The following SEZ6L variants were observed in gnomAD, a reference collection of about 807,000 sequenced individuals.
The protein encoded by SEZ6L is seizure 6-like protein.
Under a neutral mutation model 106.2 loss-of-function variants are expected in SEZ6L, and 37 were observed. The ratio of observed to expected loss-of-function variants is 0.35; its 90% confidence interval spans 0.27 to 0.46. The LOEUF (loss-of-function observed/expected upper bound fraction) is 0.46, where lower values mean the gene tolerates loss of function less well. Ranked by LOEUF, SEZ6L falls within the 20% of genes least tolerant of loss-of-function variation. The pLI, the probability that SEZ6L is intolerant of heterozygous loss-of-function variation, is 1.00. For missense variants in SEZ6L, 1,172 were observed against 1,332.8 expected, an observed-to-expected ratio of 0.88 and a Z score of 1.88; for synonymous variants, 541 against 570.4, an observed-to-expected ratio of 0.95 and a Z score of 0.73.
At position 26,293,645 on chromosome 22, in the gene SEZ6L, A is replaced by T. The variant is rs189417528; in HGVS notation, c.835+499A>T. 5.9e-5 allele frequency among the ~76,000 whole-genome samples: 9 copies of T among 152,308 alleles called. No homozygotes were observed. The East Asian group carries it at 1.7e-3, about 29-fold the overall frequency. ...CTCAGCCAACATCCCCATTTTAAAG[A>T]TGAGACAACTGAAACCCTGAGACCC... On this transcript the variant is annotated intron_variant, in intron 2 of 16. Coordinates refer to ENST00000248933, the MANE Select transcript of SEZ6L (RefSeq NM_021115.5).
intron 12 of SEZ6L, among the ~76,000 whole-genome samples, chr22:26,353,942 T>C (rs2083357099): frequency 6.6e-6 from 1 of 152,078 alleles, no homozygotes; most frequent in Admixed American, 6.5e-5. Context: ...TTCAAAGTTC[T>C]AACCCACAGT....
In SEZ6L at chr22:26,229,285, C is replaced by T. The variant is rs117715300; in HGVS notation, c.94+59522C>T. 7.9e-5 allele frequency among the ~76,000 whole-genome samples: 12 copies of T among 152,282 alleles called. No homozygotes were observed. In the East Asian group the frequency reaches 1.9e-3, roughly 24 times the overall value. ...GTGCTGGGATTACAGGTGTGAGCCA[C>T]CACTCCCAGCCTTCAGAGGTATTTT... On this transcript the variant is annotated intron_variant, in intron 1 of 16. Coordinates refer to ENST00000248933, the MANE Select transcript of SEZ6L (RefSeq NM_021115.5).
intron 9 of SEZ6L, among the ~76,000 whole-genome samples, chr22:26,328,589 G>A (rs1601516360): frequency 6.6e-6 from 1 of 152,152 alleles, no homozygotes; most frequent in South Asian, 2.1e-4. Context: ...GGTGTAAAAC[G>A]TTATCGGTGA....
chr22:26,186,889 G>A (rs1044891558), intron 1 of SEZ6L, among the ~76,000 whole-genome samples: 5 of 152,098 alleles, frequency 3.3e-5, no homozygotes, highest in African/African-American at 1.2e-4. Flanking sequence ...AGCACGGGAG[G>A]GGATTTTTGG....
intron 12 of SEZ6L, among the ~76,000 whole-genome samples, chr22:26,358,771 T>C (rs1284897481): frequency 6.6e-6 from 1 of 152,074 alleles, no homozygotes; most frequent in African/African-American, 2.4e-5. Context: ...CCAGGGGACA[T>C]GTGTAAATAC....
At chr22:26,361,873 A>G (rs1467121796) in intron 12 of SEZ6L, among the ~76,000 whole-genome samples, 2 of 152,142 alleles carry the variant, frequency 1.3e-5, no homozygotes, top group Non-Finnish European at 2.9e-5. Flanking sequence ...ACCCTGTACC[A>G]GGTTGCCAAG....
At chr22:26,369,368 C>T (rs1303318939) in intron 13 of SEZ6L, among the ~76,000 whole-genome samples, 3 of 41,350 alleles carry the variant, frequency 7.3e-5, no homozygotes, top group Non-Finnish European at 8.5e-5. Context: ...GAGACAGATT[C>T]TCGCTCTGTC....
At chr22:26,297,472 A>T (rs1380933701) in intron 4 of SEZ6L, among the ~76,000 whole-genome samples, 1 of 152,220 alleles carries the variant, frequency 6.6e-6, no homozygotes, top group Non-Finnish European at 1.5e-5. Flanking sequence ...CACAGGTTCT[A>T]CTACAATGTT....
intron 13 of SEZ6L, among the ~76,000 whole-genome samples, chr22:26,367,515 T>G (rs1049709331): frequency 6.6e-6 from 1 of 152,010 alleles, no homozygotes; most frequent in Non-Finnish European, 1.5e-5. Context: ...AGCTAAATTT[T>G]TTTATTTTTG....
At position 26,306,086 on chromosome 22, in the gene SEZ6L, C is replaced by T. The variant is rs867172075; in HGVS notation, c.1456C>T (p.Pro486Ser). ...SQFCIWTIEA[P>S]EGQKLHLHFE... ...ATTCTGCATCTGGACGATTGAAGCT[C>T]CAGAGGGCCAGAAGCTGCACCTGCA... Residue 486 changes from proline to serine, a missense_variant, in exon 6 of 17, where the codon CCA becomes TCA. Around this residue, in one of 4 missense-constraint regions of SEZ6L, gnomAD observed 534 missense variants for 691.0 expected, o/e 0.77. Coordinates refer to ENST00000248933, the MANE Select transcript of SEZ6L (RefSeq NM_021115.5). 1 of 1,614,146 alleles carries T rather than the reference C, an allele frequency of 6.2e-7. No individual in the cohort carries two copies. The highest frequency in any genetic ancestry group is 8.5e-7 in the Non-Finnish European group (1 of 1,180,026).
chr22:26,257,792 G>A (rs1254564036), intron 1 of SEZ6L, among the ~76,000 whole-genome samples: 1 of 152,178 alleles, frequency 6.6e-6, no homozygotes, highest in Non-Finnish European at 1.5e-5. Flanking sequence ...GGAGGGAGTT[G>A]CTGGAGCTTG....
At chr22:26,303,548 G>T (rs1767550395) in intron 5 of SEZ6L, among the ~76,000 whole-genome samples, 1 of 152,220 alleles carries the variant, frequency 6.6e-6, no homozygotes. Context: ...GAGTGAGGCA[G>T]CCTGAGCTTG....
chr22:26,299,140 A>G lies in SEZ6L; in HGVS notation c.1319A>G (p.His440Arg), dbSNP rs1601425210. 1 of 1,568,508 alleles carries G rather than the reference A, an allele frequency of 6.4e-7. No homozygotes were observed. Among genetic ancestry groups the G allele is most frequent in the Non-Finnish European group, 8.7e-7 (1 of 1,155,768 alleles). ...ACATGCATCAATGCCTCCAAGCCGC[A>G]CTGGAGCAGCCAGGAGCCCATCTGC... ...MLTCINASKPHWSSQEPICSA... is the reference protein window; with the variant it reads ...MLTCINASKPRWSSQEPICSA... The change falls in exon 5 of 17, where the codon CAC (histidine) becomes CGC (arginine). Residue 440 changes from histidine to arginine, a missense_variant. Transcript: ENST00000248933.
intron 1 of SEZ6L, among the ~76,000 whole-genome samples, chr22:26,262,231 A>G (rs2080032971): frequency 9.7e-6 from 1 of 103,360 alleles, no homozygotes; most frequent in African/African-American, 3.7e-5. Context: ...CACCTTTTAT[A>G]TATTGATATA....
At chr22:26,313,725 C>T (rs1234887757) in intron 8 of SEZ6L, 39 bp from the exon 9 acceptor site, 7 of 1,590,124 alleles carry the variant, frequency 4.4e-6, no homozygotes, top group African/African-American at 2.7e-5. Flanking sequence ...GACTTCTTTA[C>T]AAATAAAGTC....
At chr22:26,196,358 A>G (rs1208361621) in intron 1 of SEZ6L, among the ~76,000 whole-genome samples, 1 of 152,222 alleles carries the variant, frequency 6.6e-6, no homozygotes, top group East Asian at 1.9e-4. Flanking sequence ...TCTTTTCTAT[A>G]TAAATTACCC....
rs1235035802 is a variant in SEZ6L, at chr22:26,365,520, C to G, written c.2748C>G (p.Ile916Met). The G allele has an allele frequency of 1.9e-6, 3 of 1,614,002 alleles. No individual in the cohort carries two copies. The highest frequency in any genetic ancestry group is 2.5e-6 in the Non-Finnish European group (3 of 1,180,002). The part of the protein sequence containing the change: ...ELMGEVTIRC[I>M]LGQPSHWNGP... ...TGGGTGAAGTGACCATCCGCTGCAT[C>G]CTGGGACAGCCATCCCACTGGAACG... is the stretch of plus-strand genomic sequence containing the variant. Residue 916 changes from isoleucine to methionine, a missense_variant, in exon 13 of 17, where the codon ATC becomes ATG. This residue lies in a region of SEZ6L where 141 missense variants were observed against 176.0 expected (regional missense o/e 0.80). Transcript: ENST00000248933.
intron 3 of SEZ6L, among the ~76,000 whole-genome samples, chr22:26,295,974 G>A (rs1365573131): frequency 6.6e-6 from 1 of 152,100 alleles, no homozygotes; most frequent in Non-Finnish European, 1.5e-5. Context: ...AGAGAAAAGA[G>A]GATAAGATAT....
At chr22:26,314,695 C>A (rs6005010) in intron 9 of SEZ6L, among the ~76,000 whole-genome samples, 37,634 of 152,180 alleles carry the variant, frequency 0.25, 5,863 homozygotes, top group African/African-American at 0.44. Flanking sequence ...CAGAATGTTC[C>A]CCGCTAGCTC....
Sources: gnomAD v4.1 joint callset for allele counts (sites outside exome capture counted in the v4.1 genomes callset) on GRCh38, gnomAD v4.1.1 for gene constraint, gnomAD v4.1.1 regional missense constraint, MANE v1.5 for transcripts, NCBI Gene and HGNC (gene_info 2026-07-23, HGNC 2026-07-21) for gene names.